MPPE1: variants seen among roughly 807,000 people sequenced by gnomAD.
MPPE1 encodes the protein metallophosphoesterase 1.
In MPPE1, 28 loss-of-function variants were observed where a neutral mutation model predicts 43.8. The ratio of observed to expected loss-of-function variants is 0.64; its 90% confidence interval spans 0.47 to 0.88. The LOEUF is 0.88. Among genes scored for constraint, MPPE1 ranks in the 40% least tolerant of loss-of-function variants. The pLI, the probability that MPPE1 is intolerant of heterozygous loss-of-function variation, is 0.00. For synonymous variants in MPPE1, 159 were observed against 188.5 expected, an observed-to-expected ratio of 0.84 and a Z score of 1.28; for missense variants, 428 against 492.2, an observed-to-expected ratio of 0.87 and a Z score of 1.23.
At chr18:11,885,906 T>G (rs2037165589) in intron 9 of MPPE1, 90 bp from the exon 10 acceptor site, 1 of 1,293,726 alleles carries the variant, frequency 7.7e-7, no homozygotes, top group East Asian at 2.6e-5. Context: ...TGGCCATCGC[T>G]TCTTTCCTTA....
intron 4 of MPPE1, 83 bp from the exon 5 acceptor site, chr18:11,889,573 GC>G: frequency 9.2e-7 from 1 of 1,087,102 alleles, no homozygotes; most frequent in East Asian, 2.5e-5. Context: ...ATTTTGTTTT[GC>G]TTTTTTTTGA....
In MPPE1 at chr18:11,884,373, A is replaced by G; in HGVS notation, c.*72T>C. The G allele has an allele frequency of 1.4e-6, 2 of 1,470,682 alleles. No individual in the cohort carries two copies. The highest frequency in any genetic ancestry group is 2.4e-5 in the South Asian group (2 of 82,900). The allele number at this position is 1,470,682 out of a possible 1,614,324, so 91.1% of individuals were successfully genotyped here. ...CGGCCTGTAATTGGTCTCATCATCC[A>G]CTTGATTCTAACATGATCTCTGCCC... On this transcript the variant is annotated 3_prime_UTR_variant, in exon 11 of 11. Transcript: ENST00000588072.
Position 11,896,984 on chromosome 18 carries a change from C to T in MPPE1, c.281G>A (p.Arg94Lys). The T allele has an allele frequency of 6.2e-7, 1 of 1,606,826 alleles. No individual in the cohort carries two copies. Among genetic ancestry groups the T allele is most frequent in the Non-Finnish European group, 8.5e-7 (1 of 1,175,102 alleles). ...AAAGATTCCTGATTTTACCTCTTAC[C>T]TTCGTAATTTGTCCAGCCAGTGGCC... Reference protein sequence around the residue: ...FLGHWLDKLRREWQMERAFQT... With the variant: ...FLGHWLDKLRKEWQMERAFQT... Residue 94 changes from arginine (R) to lysine (K), a missense_variant and splice_region_variant, in exon 3 of 11, where the codon AGG becomes AAG. Coordinates refer to ENST00000588072, the MANE Select transcript of MPPE1 (RefSeq NM_023075.6).
At position 11,889,390 on chromosome 18, in the gene MPPE1, T is replaced by A; in HGVS notation, c.491A>T (p.Tyr164Phe). 6.2e-7 allele frequency: 1 copy of A among 1,605,768 alleles called. No homozygotes were observed. Among genetic ancestry groups the A allele is most frequent in the Non-Finnish European group, 8.5e-7 (1 of 1,173,618 alleles). ...AGGGCTTTTGTGAACTACTTACTCATAATGGAAGCCAATGTCATGGTTTCC... is the reference window on the plus strand; with the variant it reads ...AGGGCTTTTGTGAACTACTTACTCAAAATGGAAGCCAATGTCATGGTTTCC... Reference protein sequence around the residue: ...VAGNHDIGFHYEMNTYKVERF... With the variant: ...VAGNHDIGFHFEMNTYKVERF... The change falls in exon 5 of 11, where the codon TAT becomes TTT. Residue 164 changes from tyrosine to phenylalanine, a missense_variant. Transcript: ENST00000588072.
Position 11,883,054 on chromosome 18 carries a change from CTTCTT to C in MPPE1, c.*1386_*1390del, listed in dbSNP as rs2143970977. On this transcript the variant is annotated 3_prime_UTR_variant, in exon 11 of 11. Coordinates refer to ENST00000588072, the MANE Select transcript of MPPE1 (RefSeq NM_023075.6). ...CAGCCTACATTACTTCATTATTACT[CTTCTT>C]TTAGTCTTTAGTCTTTAATATTTTA... The C allele has an allele frequency of 6.6e-6, 1 of 152,286 alleles. No homozygotes were observed. Among genetic ancestry groups the C allele is most frequent in the African/African-American group, 2.4e-5 (1 of 41,576 alleles). 9.4% of individuals were successfully genotyped at this position (152,286 alleles called of 1,614,324 possible).
chr18:11,904,394 A>G (rs1321180668), intron 2 of MPPE1, among the ~76,000 whole-genome samples: 1 of 151,694 alleles, frequency 6.6e-6, no homozygotes, highest in Non-Finnish European at 1.5e-5. Context: ...AGCTCAGTGC[A>G]ACCTCCGCCT....
chr18:11,889,479 A>G lies in MPPE1; in HGVS notation c.402T>C (p.Asp134=). The G allele has an allele frequency of 6.2e-7, 1 of 1,613,072 alleles. No homozygotes were observed. The highest frequency in any genetic ancestry group is 8.5e-7 in the Non-Finnish European group (1 of 1,179,434). ...GKWSTPEAWA[D]DVERFQKMFR... ...ACATTTTCTGAAACCGCTCCACATCATCCGCCCAGGCCTGAGGGAAAAAGA... is the reference window on the plus strand; with the variant it reads ...ACATTTTCTGAAACCGCTCCACATCGTCCGCCCAGGCCTGAGGGAAAAAGA... The change falls in exon 5 of 11, where the codon GAT becomes GAC. Residue 134 remains aspartate, a synonymous_variant. Transcript: ENST00000588072.
At position 11,906,268 on chromosome 18, in the gene MPPE1, C is replaced by T. The variant is rs780458196; in HGVS notation, c.-158G>A. On this transcript the variant is annotated 5_prime_UTR_variant, in exon 2 of 11. Coordinates refer to ENST00000588072, the MANE Select transcript of MPPE1 (RefSeq NM_023075.6). ...TAAAGACAGAGAGATTGGTACGAGG[C>T]TCTAAGTTGGCATCTGCTCCCCAAA... 4 of 152,138 alleles carry T rather than the reference C, an allele frequency of 2.6e-5. No individual in the cohort carries two copies. The highest frequency in any genetic ancestry group is 5.9e-5 in the Non-Finnish European group (4 of 68,038). The allele number at this position is 152,138 out of a possible 1,614,324, so 9.4% of individuals were successfully genotyped here. A position where few individuals can be genotyped will look rare whatever the true frequency, so the allele number is the denominator to read the frequency against.
rs1488352901 is a variant in MPPE1 at position 11,896,965 on chromosome 18, T to G, written c.281+19A>C. The G allele has an allele frequency of 1.9e-6, 3 of 1,600,228 alleles. No homozygotes were observed. The highest frequency in any genetic ancestry group is 2.6e-6 in the Non-Finnish European group (3 of 1,171,544). On this transcript the variant is annotated intron_variant, in intron 3 of 10. Coordinates refer to ENST00000588072, the MANE Select transcript of MPPE1 (RefSeq NM_023075.6). Reference sequence around the variant, plus strand: ...TTTGCCTACAGAATTTTAGAAAGATTCCTGATTTTACCTCTTACCTTCGTA... The same window carrying G: ...TTTGCCTACAGAATTTTAGAAAGATGCCTGATTTTACCTCTTACCTTCGTA...
rs1191525254 is a variant in MPPE1, at chr18:11,883,043, TC to T, written c.*1401del. 2.3e-5 allele frequency: 3 copies of T among 133,164 alleles called. No individual in the cohort carries two copies. The highest frequency in any genetic ancestry group is 5.3e-5 in the Non-Finnish European group (3 of 56,666). 8.2% of individuals were successfully genotyped at this position (133,164 alleles called of 1,614,324 possible). A position where few individuals can be genotyped will look rare whatever the true frequency, so the allele number is the denominator to read the frequency against. On this transcript the variant is annotated 3_prime_UTR_variant, in exon 11 of 11. Coordinates refer to ENST00000588072, the MANE Select transcript of MPPE1 (RefSeq NM_023075.6). ...TAGAGAAGTGACAGCCTACATTACT[TC>T]ATTATTACTCTTCTTTTAGTCTTTA... is the stretch of plus-strand genomic sequence containing the variant.
In MPPE1 at chr18:11,895,017, T is replaced by TC. The variant is rs772347253; in HGVS notation, c.282-1442dup. Among the ~76,000 whole-genome samples the TC allele has an allele frequency of 2.0e-4, 31 of 152,342 alleles. No homozygotes were observed. In the East Asian group the frequency reaches 2.1e-3, roughly 10 times the overall value. The stretch of plus-strand genomic sequence containing the variant: ...AAAAATGTCAGTGTTTGCTCAGCCC[T>TC]CCCCGTCTTCAACCTAACCAAATCC... On this transcript the variant is annotated intron_variant, in intron 3 of 10. Coordinates refer to ENST00000588072, the MANE Select transcript of MPPE1 (RefSeq NM_023075.6).
intron 2 of MPPE1, chr18:11,905,164 T>A (rs941530607): frequency 3.3e-5 from 5 of 151,646 alleles, no homozygotes; most frequent in African/African-American, 1.2e-4. Flanking sequence ...AAAATTAGCC[T>A]AGTGTAGTAG....
At chr18:11,908,076 C>T (rs371880033) in intron 1 of MPPE1, 125 bp downstream of exon 1, 19 of 152,266 alleles carry the variant, frequency 1.2e-4, no homozygotes, top group African/African-American at 4.6e-4. Context: ...CCTTAAGTCA[C>T]CGAGATTTTC....
At chr18:11,900,730 A>G (rs1223067928) in intron 2 of MPPE1, among the ~76,000 whole-genome samples, 2 of 151,664 alleles carry the variant, frequency 1.3e-5, no homozygotes, top group East Asian at 3.9e-4. Flanking sequence ...ACACGGTGAA[A>G]CCCCATCTCT....
chr18:11,895,897 T>C (rs2038542239), intron 3 of MPPE1, among the ~76,000 whole-genome samples: 1 of 151,398 alleles, frequency 6.6e-6, no homozygotes, highest in Non-Finnish European at 1.5e-5. Context: ...TTATTCACCA[T>C]GGGAAGTAAA....
Position 11,884,380 on chromosome 18 carries a change from T to C in MPPE1, c.*65A>G. On this transcript the variant is annotated 3_prime_UTR_variant, in exon 11 of 11. Transcript: ENST00000588072. ...TAATTGGTCTCATCATCCACTTGAT[T>C]CTAACATGATCTCTGCCCAAAGTTC... 6.6e-7 allele frequency: 1 copy of C among 1,521,234 alleles called. No individual in the cohort carries two copies. Among genetic ancestry groups the C allele is most frequent in the African/African-American group, 1.4e-5 (1 of 72,842 alleles). 94.2% of individuals were successfully genotyped at this position (1,521,234 alleles called of 1,614,324 possible).
chr18:11,887,750 T>G (rs943618179), intron 6 of MPPE1, among the ~76,000 whole-genome samples: 1 of 151,936 alleles, frequency 6.6e-6, no homozygotes, highest in Admixed American at 6.6e-5. Context: ...AGATAAGGAG[T>G]GGAGTTATCA....
At chr18:11,899,741 T>C (rs1380164045) in intron 2 of MPPE1, among the ~76,000 whole-genome samples, 2 of 152,206 alleles carry the variant, frequency 1.3e-5, no homozygotes, top group East Asian at 3.9e-4. Context: ...AGACCCTAAC[T>C]GAACCAATAA....
rs769337622 is a variant in MPPE1 at position 11,886,995 on chromosome 18, G to A, written c.600C>T (p.Asn200=). Reference sequence around the variant, plus strand: ...CAGAGCAGATGCCACAGCCATCCCCGTTCAGCGCCACGCTGTTGACCATCA... The same window carrying A: ...CAGAGCAGATGCCACAGCCATCCCCATTCAGCGCCACGCTGTTGACCATCA... The part of the protein sequence containing the change: ...NFVMVNSVAL[N]GDGCGICSET... Residue 200 remains asparagine (N), a synonymous_variant, in exon 7 of 11, where the codon AAC becomes AAT. Coordinates refer to ENST00000588072, the MANE Select transcript of MPPE1 (RefSeq NM_023075.6). The surrounding 1 kb of genome is among the most constrained non-coding windows in gnomAD (Gnocchi z 4.1). 2.1e-5 allele frequency: 34 copies of A among 1,613,498 alleles called. No individual in the cohort carries two copies. Among genetic ancestry groups the A allele is most frequent in the African/African-American group, 2.7e-5 (2 of 74,914 alleles).
Sources: allele counts gnomAD v4.1 joint callset (sites outside exome capture counted in the v4.1 genomes callset), GRCh38; gene constraint gnomAD v4.1.1; non-coding constraint Gnocchi (gnomAD v3.1); transcripts MANE v1.5; gene names NCBI Gene and HGNC (gene_info 2026-07-23, HGNC 2026-07-21).